UBE2R2: variants seen among roughly 807,000 people sequenced by gnomAD.
The protein encoded by UBE2R2 is ubiquitin-conjugating enzyme E2 R2.
A neutral mutation model predicts 27.8 loss-of-function variants in UBE2R2; 1 was observed. The observed-to-expected ratio is 0.04, with a 90% CI of 0.01 to 0.17. UBE2R2 has a LOEUF of 0.17. UBE2R2 is among the 10% of genes least tolerant of loss of function. The pLI is 1.00. For missense variants in UBE2R2, 100 were observed against 291.0 expected (o/e 0.34, Z 4.78); for synonymous variants, 106 against 113.3 (o/e 0.94, Z 0.41).
At chr9:33,837,420 C>CTTTTT (rs374681097) in intron 1 of UBE2R2, among the ~76,000 whole-genome samples, 5 of 126,684 alleles carry the variant, frequency 3.9e-5, no homozygotes, top group Non-Finnish European at 6.5e-5. Context: ...GCTGCTGCTT[C>CTTTTT]TTTTTTTTTT....
chr9:33,914,995 T>C (rs1822606276), intron 4 of UBE2R2, among the ~76,000 whole-genome samples: 1 of 151,456 alleles, frequency 6.6e-6, no homozygotes, highest in Non-Finnish European at 1.5e-5. Flanking sequence ...CCAGGAGAGG[T>C]GGCTTATACC....
At chr9:33,846,326 A>G (rs1020437737) in intron 1 of UBE2R2, among the ~76,000 whole-genome samples, 2 of 152,082 alleles carry the variant, frequency 1.3e-5, no homozygotes, top group Non-Finnish European at 2.9e-5. Context: ...ATTTTTTGCT[A>G]CTATTTTCCC....
In UBE2R2 at chr9:33,920,383, G is replaced by A. The variant is rs117077154; in HGVS notation, c.*3146G>A. 17 of 152,262 alleles carry A rather than the reference G, an allele frequency of 1.1e-4. No individual in the cohort carries two copies. The East Asian group carries it at 2.7e-3, about 24-fold the overall frequency. The allele number at this position is 152,262 out of a possible 1,614,324, so 9.4% of individuals were successfully genotyped here. A position where few individuals can be genotyped will look rare whatever the true frequency, so the allele number is the denominator to read the frequency against. On this transcript the variant is annotated 3_prime_UTR_variant, in exon 5 of 5. Transcript: ENST00000263228. ...TAATAAAATGTGAAATAAAATACCT[G>A]TATTGCTACTTCCCCATGAAATGAC...
intron 1 of UBE2R2, among the ~76,000 whole-genome samples, chr9:33,885,495 G>T (rs1365319849): frequency 6.6e-6 from 1 of 152,210 alleles, no homozygotes; most frequent in East Asian, 1.9e-4. Flanking sequence ...CTTGCAAGTG[G>T]AGTTTTCTAG....
intron 1 of UBE2R2, among the ~76,000 whole-genome samples, chr9:33,861,780 AT>A (rs1821242362): frequency 6.6e-6 from 1 of 151,702 alleles, no homozygotes; most frequent in South Asian, 2.1e-4. Context: ...AGTGTTTTAA[AT>A]CTTTTCAGTC....
chr9:33,868,638 G>C (rs1195685575), intron 1 of UBE2R2: 1 of 152,156 alleles, frequency 6.6e-6, no homozygotes. Context: ...CTAGAGCTTT[G>C]CTTTACCTTG....
At chr9:33,863,022 A>G (rs1018283783) in intron 1 of UBE2R2, among the ~76,000 whole-genome samples, 1 of 151,956 alleles carries the variant, frequency 6.6e-6, no homozygotes, top group Non-Finnish European at 1.5e-5. Context: ...CCACATCTCT[A>G]CTAAAAATAC....
At chr9:33,836,009 A>G (rs1820606272) in intron 1 of UBE2R2, among the ~76,000 whole-genome samples, 1 of 152,170 alleles carries the variant, frequency 6.6e-6, no homozygotes, top group South Asian at 2.1e-4. Flanking sequence ...TTTGTATAGT[A>G]TAAGAATTGT....
intron 4 of UBE2R2, among the ~76,000 whole-genome samples, chr9:33,913,914 A>G (rs1466497819): frequency 6.6e-6 from 1 of 152,238 alleles, no homozygotes; most frequent in Admixed American, 6.5e-5. Context: ...CAAACATTGA[A>G]GATAATTAGT....
chr9:33,886,662 A>G (rs1339436792), intron 1 of UBE2R2, among the ~76,000 whole-genome samples: 2 of 129,042 alleles, frequency 1.5e-5, no homozygotes, highest in Non-Finnish European at 3.8e-5. Flanking sequence ...TTAAAAAAAA[A>G]AAAAAAAAAA....
chr9:33,854,944 T>C (rs1821065767), intron 1 of UBE2R2, among the ~76,000 whole-genome samples: 1 of 152,062 alleles, frequency 6.6e-6, no homozygotes, highest in African/African-American at 2.4e-5. Context: ...ACTCCTGGGC[T>C]CAAGTGATCC....
chr9:33,830,219 G>A (rs966491407), intron 1 of UBE2R2, among the ~76,000 whole-genome samples: 5 of 145,782 alleles, frequency 3.4e-5, no homozygotes, highest in East Asian at 2.1e-4. Context: ...GTGCAGTTGC[G>A]TGACCTCAGC....
intron 2 of UBE2R2, among the ~76,000 whole-genome samples, chr9:33,894,553 C>T (rs1822055955): frequency 6.6e-6 from 1 of 152,080 alleles, no homozygotes; most frequent in South Asian, 2.1e-4. Flanking sequence ...CCCACATCCA[C>T]CTCCCAAGTA....
intron 3 of UBE2R2, among the ~76,000 whole-genome samples, chr9:33,900,492 T>C (rs1442810957): frequency 6.6e-6 from 1 of 152,226 alleles, no homozygotes; most frequent in Non-Finnish European, 1.5e-5. Flanking sequence ...CTATGTTCAC[T>C]TAGGAATAGA....
At position 33,838,226 on chromosome 9, in the gene UBE2R2, AT is replaced by A. The variant is rs546703234; in HGVS notation, c.177+20298del. Among the ~76,000 whole-genome samples, 1,034 of 137,062 alleles carry A rather than the reference AT, an allele frequency of 7.5e-3. 7 individuals carry two copies. The highest frequency in any genetic ancestry group is 0.013 in the Non-Finnish European group (833 of 63,068). 89.9% of individuals were successfully genotyped at this position (137,062 alleles called of 152,430 possible). ...TGGAGTGCAGTGGCAGTCTAGCTGT[AT>A]TTTTTAGTTTGTATTATTTTTTATT... On this transcript the variant is annotated intron_variant, in intron 1 of 4. Coordinates refer to ENST00000263228, the MANE Select transcript of UBE2R2 (RefSeq NM_017811.4).
chr9:33,913,554 G>A (rs1453620519), intron 4 of UBE2R2, among the ~76,000 whole-genome samples: 1 of 152,100 alleles, frequency 6.6e-6, no homozygotes, highest in African/African-American at 2.4e-5. Context: ...GAGCCACCGT[G>A]CCTGGCCTCC....
chr9:33,884,057 C>G (rs962287277), intron 1 of UBE2R2, among the ~76,000 whole-genome samples: 1 of 151,972 alleles, frequency 6.6e-6, no homozygotes, highest in Non-Finnish European at 1.5e-5. Context: ...ACTCAGGTGG[C>G]TGAGGTGGGT....
chr9:33,817,728 C>CCCGGCG lies in UBE2R2; in HGVS notation c.-26_-21dup, dbSNP rs750144893. ...CGGTGCGTGAGGACTGGGGCCCGGG[C>CCCGGCG]CCGGCGCCGCCGCCGCCGCCGCCGC... On this transcript the variant is annotated 5_prime_UTR_variant, in exon 1 of 5. Transcript: ENST00000263228. The CCCGGCG allele has an allele frequency of 8.1e-6, 12 of 1,488,650 alleles. No individual in the cohort carries two copies. Among genetic ancestry groups the CCCGGCG allele is most frequent in the African/African-American group, 3.0e-5 (2 of 67,364 alleles). The allele number at this position is 1,488,650 out of a possible 1,614,324, so 92.2% of individuals were successfully genotyped here. A position where few individuals can be genotyped will look rare whatever the true frequency, so the allele number is the denominator to read the frequency against.
At chr9:33,820,688 A>C (rs565346129) in intron 1 of UBE2R2, among the ~76,000 whole-genome samples, 1 of 152,316 alleles carries the variant, frequency 6.6e-6, no homozygotes, top group Non-Finnish European at 1.5e-5. Context: ...ATTTATTTTC[A>C]AGTTAAACTC....
Sources: allele counts gnomAD v4.1 joint callset (sites outside exome capture counted in the v4.1 genomes callset), GRCh38; gene constraint gnomAD v4.1.1; transcripts MANE v1.5; gene names NCBI Gene and HGNC (gene_info 2026-07-23, HGNC 2026-07-21).